Variants in WDPCP observed in about 807,000 individuals in gnomAD.
The protein encoded by WDPCP is WD repeat containing planar cell polarity effector, also known as WD repeat-containing and planar cell polarity effector protein fritz homolog.
Under a neutral mutation model 93.1 loss-of-function variants are expected in WDPCP, and 71 were observed. The observed-to-expected ratio is 0.76, with a 90% CI of 0.63 to 0.93. The LOEUF is 0.93. Ranked by LOEUF, WDPCP falls within the 40% of genes least tolerant of loss-of-function variation. WDPCP has a pLI of 0.00. For missense variants in WDPCP, 844 were observed against 887.4 expected, an observed-to-expected ratio of 0.95 and a Z score of 0.62; for synonymous variants, 315 against 315.0, an observed-to-expected ratio of 1.00 and a Z score of 0.00.
chr2:63,591,575 T>C (rs1349348129), upstream of WDPCP, among the ~76,000 whole-genome samples: 2 of 152,248 alleles, frequency 1.3e-5, no homozygotes, highest in Admixed American at 6.5e-5. Context: ...ACTTAATAGA[T>C]AGTGATCTTC....
chr2:63,309,532 A>G (rs1247963419), intron 13 of WDPCP, among the ~76,000 whole-genome samples: 1 of 152,178 alleles, frequency 6.6e-6, no homozygotes, highest in Admixed American at 6.6e-5. Flanking sequence ...ATAGTCTACA[A>G]TAGTAGTTGG....
chr2:63,575,427 A>ACC (rs1231795951), intron 1 of WDPCP, among the ~76,000 whole-genome samples: 1 of 83,886 alleles, frequency 1.2e-5, no homozygotes, highest in Non-Finnish European at 2.3e-5. Flanking sequence ...CACTGTATAC[A>ACC]GTGTATATAC....
intron 13 of WDPCP, among the ~76,000 whole-genome samples, chr2:63,264,121 C>A (rs1196609902): frequency 6.6e-6 from 1 of 152,166 alleles, no homozygotes; most frequent in Non-Finnish European, 1.5e-5. Flanking sequence ...TACCCCCGGC[C>A]AGATGCCTAG....
At chr2:63,672,814 A>G (rs1486975710) in intron 2 of WDPCP, among the ~76,000 whole-genome samples, 1 of 151,752 alleles carries the variant, frequency 6.6e-6, no homozygotes, top group Non-Finnish European at 1.5e-5. Context: ...CAGTAGCATG[A>G]TCCTGGCTCA....
intron 2 of WDPCP, among the ~76,000 whole-genome samples, chr2:63,691,611 G>A (rs2103671032): frequency 6.6e-6 from 1 of 151,870 alleles, no homozygotes; most frequent in Non-Finnish European, 1.5e-5. Context: ...TTCCAGCCTG[G>A]GCAACAAGAG....
At chr2:63,604,993 G>A (rs182301337) in intron 3 of WDPCP, 76 of 947,592 alleles carry the variant, frequency 8.0e-5, no homozygotes, top group Non-Finnish European at 1.0e-4. Flanking sequence ...GCATACTTTC[G>A]GGATCATAGT....
chr2:63,470,296 A>G (rs1234956732), intron 6 of WDPCP, among the ~76,000 whole-genome samples: 1 of 152,216 alleles, frequency 6.6e-6, no homozygotes, highest in Non-Finnish European at 1.5e-5. Context: ...AAATTCCAAT[A>G]ATCAACAATC....
chr2:63,298,521 T>C (rs940044603), intron 13 of WDPCP, among the ~76,000 whole-genome samples: 3 of 151,812 alleles, frequency 2.0e-5, no homozygotes, highest in African/African-American at 7.3e-5. Context: ...ACTTGCTGAG[T>C]CTTCTTGCCT....
intron 1 of WDPCP, among the ~76,000 whole-genome samples, chr2:63,511,442 C>A (rs923276125): frequency 6.6e-6 from 1 of 152,162 alleles, no homozygotes; most frequent in East Asian, 1.9e-4. Context: ...AGAGCCAAGA[C>A]AATCCTAAGC....
At chr2:63,256,205 T>C (rs925232331) in intron 14 of WDPCP, among the ~76,000 whole-genome samples, 1 of 152,152 alleles carries the variant, frequency 6.6e-6, no homozygotes, top group African/African-American at 2.4e-5. Context: ...AAGCTGATTT[T>C]GAGATTTATA....
intron 14 of WDPCP, among the ~76,000 whole-genome samples, chr2:63,235,844 C>T (rs1679342437): frequency 6.6e-6 from 1 of 152,024 alleles, no homozygotes; most frequent in South Asian, 2.1e-4. Flanking sequence ...AAGAACAAAC[C>T]TCACAATAAT....
chr2:63,131,833 CTTTT>C (rs55670342), intron 17 of WDPCP, among the ~76,000 whole-genome samples: 1 of 107,718 alleles, frequency 9.3e-6, no homozygotes, highest in Non-Finnish European at 1.9e-5. Context: ...ATACAGTATT[CTTTT>C]TTTTTTTTTT....
intron 15 of WDPCP, among the ~76,000 whole-genome samples, chr2:63,162,225 C>A (rs1337731349): frequency 6.6e-6 from 1 of 151,950 alleles, no homozygotes; most frequent in Non-Finnish European, 1.5e-5. Context: ...AGAAAGAGGA[C>A]CATTTTTTTT....
chr2:63,233,751 G>A (rs1294423499), intron 14 of WDPCP, among the ~76,000 whole-genome samples: 1 of 152,042 alleles, frequency 6.6e-6, no homozygotes, highest in Non-Finnish European at 1.5e-5. Context: ...TTCTGGTCCA[G>A]GAGTGCTCAG....
At chr2:63,344,282 T>G (rs937205979) in intron 12 of WDPCP, among the ~76,000 whole-genome samples, 1 of 152,194 alleles carries the variant, frequency 6.6e-6, no homozygotes, top group African/African-American at 2.4e-5. Context: ...ATTATCTCTG[T>G]CATTAGCTGG....
At chr2:63,553,295 A>G (rs1488528139) in intron 1 of WDPCP, among the ~76,000 whole-genome samples, 1 of 152,168 alleles carries the variant, frequency 6.6e-6, no homozygotes, top group Non-Finnish European at 1.5e-5. Flanking sequence ...TGAACTAATC[A>G]TTTATTTCAA....
chr2:63,520,912 A>G (rs1702876396), intron 1 of WDPCP, among the ~76,000 whole-genome samples: 1 of 151,978 alleles, frequency 6.6e-6, no homozygotes, highest in Admixed American at 6.6e-5. Flanking sequence ...AAAAAAAAAA[A>G]AAAAGATTTT....
chr2:63,319,937 T>C (rs2104095737), intron 12 of WDPCP, among the ~76,000 whole-genome samples: 1 of 152,260 alleles, frequency 6.6e-6, no homozygotes, highest in Admixed American at 6.5e-5. Context: ...AGATAAGCAA[T>C]ATATGCACAT....
intron 1 of WDPCP, among the ~76,000 whole-genome samples, chr2:63,575,566 C>CAGTATATACAGTATATACAG (rs1708050177): frequency 7.9e-6 from 1 of 126,794 alleles, no homozygotes; most frequent in Non-Finnish European, 1.8e-5. Context: ...AGTATATATA[C>CAGTATATACAGTATATACAG]TATATAACTA....
Sources: gnomAD v4.1 joint callset for allele counts (sites outside exome capture counted in the v4.1 genomes callset) on GRCh38, gnomAD v4.1.1 for gene constraint, MANE v1.5 for transcripts, NCBI Gene and HGNC (gene_info 2026-07-23, HGNC 2026-07-21) for gene names.